MTG1: variants seen among roughly 807,000 people sequenced by gnomAD.
MTG1 encodes mitochondrial ribosome associated GTPase 1.
In MTG1, 30 loss-of-function variants were observed where a neutral mutation model predicts 39.5. The observed-to-expected ratio is 0.76, with a 90% CI of 0.57 to 1.03. The LOEUF is 1.03. Among genes scored for constraint, MTG1 ranks in the 50% least tolerant of loss-of-function variants. MTG1 has a pLI of 0.00. For missense variants in MTG1, 513 were observed against 447.4 expected, an observed-to-expected ratio of 1.15 and a Z score of -1.32; for synonymous variants, 217 against 179.0, an observed-to-expected ratio of 1.21 and a Z score of -1.69.
At chr10:133,403,970 G>A (rs182098986) in intron 9 of MTG1, among the ~76,000 whole-genome samples, 105 of 151,986 alleles carry the variant, frequency 6.9e-4, no homozygotes, top group African/African-American at 2.3e-3. Flanking sequence ...GTGTAGGGGT[G>A]TCGCATAGCA....
In MTG1 at chr10:133,421,982, TCA is replaced by T. The variant is rs1850249206; in HGVS notation, c.*1818_*1819del. On this transcript the variant is annotated 3_prime_UTR_variant, in exon 11 of 11. Coordinates refer to ENST00000317502, the MANE Select transcript of MTG1 (RefSeq NM_138384.4). The stretch of plus-strand genomic sequence containing the variant: ...GAGAACGTGGCAGACCCAAGACCTC[TCA>T]GTGCTGAGCCCATGGAGGATGCCCC... 6.7e-6 allele frequency: 1 copy of T among 150,148 alleles called. No homozygotes were observed. Among genetic ancestry groups the T allele is most frequent in the Non-Finnish European group, 1.5e-5 (1 of 68,234 alleles). 9.3% of individuals were successfully genotyped at this position (150,148 alleles called of 1,614,324 possible). A position where few individuals can be genotyped will look rare whatever the true frequency, so the allele number is the denominator to read the frequency against.
intron 9 of MTG1, among the ~76,000 whole-genome samples, chr10:133,412,036 G>T (rs1353114420): frequency 6.6e-6 from 1 of 152,060 alleles, no homozygotes; most frequent in Non-Finnish European, 1.5e-5. Flanking sequence ...TGCATTGAAG[G>T]ATTTGTTATC....
intron 9 of MTG1, among the ~76,000 whole-genome samples, chr10:133,404,183 A>G (rs1187660554): frequency 7.9e-6 from 1 of 126,178 alleles, no homozygotes; most frequent in Non-Finnish European, 1.6e-5. Context: ...GCTGAAGTGC[A>G]GTGGTACAGT....
chr10:133,405,432 T>C (rs975122948), intron 9 of MTG1, among the ~76,000 whole-genome samples: 2 of 152,210 alleles, frequency 1.3e-5, no homozygotes, highest in Non-Finnish European at 2.9e-5. Flanking sequence ...ATTTGAAATA[T>C]CCTGTAGATT....
intron 9 of MTG1, among the ~76,000 whole-genome samples, chr10:133,417,908 A>G (rs1344444422): frequency 6.6e-6 from 1 of 152,268 alleles, no homozygotes; most frequent in Non-Finnish European, 1.5e-5. Context: ...TTCCATGCTC[A>G]TTGGTAGGAA....
In MTG1 at chr10:133,394,995, A is replaced by G. The variant is rs568131358; in HGVS notation, c.112+663A>G. ...GGGGAAGAAAGCTGGAAGCTTTGTT[A>G]TCTTGGTTGTGTGTGGTATTCCTGG... On this transcript the variant is annotated intron_variant, in intron 1 of 10. Coordinates refer to ENST00000317502, the MANE Select transcript of MTG1 (RefSeq NM_138384.4). 2.0e-5 allele frequency among the ~76,000 whole-genome samples: 3 copies of G among 152,258 alleles called. No homozygotes were observed. The South Asian group carries it at 6.2e-4, about 32-fold the overall frequency.
At chr10:133,406,711 G>A (rs1223771376) in intron 9 of MTG1, among the ~76,000 whole-genome samples, 3 of 146,964 alleles carry the variant, frequency 2.0e-5, no homozygotes, top group Non-Finnish European at 4.5e-5. Flanking sequence ...TGTCACCCAG[G>A]CTGGAGTGCA....
At chr10:133,395,249 G>T (rs957761961) in intron 1 of MTG1, among the ~76,000 whole-genome samples, 1 of 152,098 alleles carries the variant, frequency 6.6e-6, no homozygotes, top group East Asian at 1.9e-4. Flanking sequence ...CAAAAAATTA[G>T]CCCGGCATGG....
chr10:133,419,374 G>C, intron 9 of MTG1, 106 bp from the exon 10 acceptor site: 1 of 830,372 alleles, frequency 1.2e-6, no homozygotes, highest in South Asian at 1.6e-5. Context: ...CCCACAGGAG[G>C]TGCCTGGCCG....
At position 133,419,638 on chromosome 10, in the gene MTG1, C is replaced by T. The variant is rs747666768; in HGVS notation, c.865+46C>T. 9.5e-6 allele frequency: 14 copies of T among 1,478,470 alleles called. No homozygotes were observed. The South Asian group carries it at 1.4e-4, about 15-fold the overall frequency. 91.6% of individuals were successfully genotyped at this position (1,478,470 alleles called of 1,614,324 possible). ...GGGCACCGGAGCCTCACCCCATCACCCTGGGGGACCCCGGCCATCCCTGGA... is the reference window on the plus strand; with the variant it reads ...GGGCACCGGAGCCTCACCCCATCACTCTGGGGGACCCCGGCCATCCCTGGA... On this transcript the variant is annotated intron_variant, in intron 10 of 10. Transcript: ENST00000317502.
chr10:133,412,012 T>C (rs1400597751), intron 9 of MTG1, among the ~76,000 whole-genome samples: 1 of 152,172 alleles, frequency 6.6e-6, no homozygotes, highest in Non-Finnish European at 1.5e-5. Context: ...CTTGTGCACA[T>C]ATGTCTGTGG....
intron 9 of MTG1, among the ~76,000 whole-genome samples, chr10:133,406,971 G>A (rs1849978665): frequency 6.6e-6 from 1 of 152,086 alleles, no homozygotes; most frequent in Admixed American, 6.6e-5. Context: ...CTTTTGATTT[G>A]GTTTTGTATA....
At position 133,402,952 on chromosome 10, in the gene MTG1, A is replaced by G; in HGVS notation, c.752+179A>G. 1 of 546,528 alleles carries G rather than the reference A, an allele frequency of 1.8e-6. No individual in the cohort carries two copies. The allele number at this position is 546,528 out of a possible 1,614,324, so 33.9% of individuals were successfully genotyped here. A position where few individuals can be genotyped will look rare whatever the true frequency, so the allele number is the denominator to read the frequency against. The stretch of plus-strand genomic sequence containing the variant: ...AGTATGGCTATACGTCTGTGAAAGC[A>G]ACACACAATCAAGAAAACGAGCGTT... On this transcript the variant is annotated intron_variant, in intron 9 of 10. Transcript: ENST00000317502. This position sits in a 1 kb window ranked among gnomAD's most constrained non-coding sequence, Gnocchi z 4.7.
intron 3 of MTG1, among the ~76,000 whole-genome samples, chr10:133,396,761 C>G (rs981806598): frequency 6.6e-6 from 1 of 152,044 alleles, no homozygotes; most frequent in Non-Finnish European, 1.5e-5. Flanking sequence ...TAGGAAAAAC[C>G]AGGCCATACA....
At chr10:133,419,647 C>A (rs1476123154) in intron 10 of MTG1, 55 bp downstream of exon 10, 2 of 1,406,420 alleles carry the variant, frequency 1.4e-6, no homozygotes, top group Non-Finnish European at 2.0e-6. Context: ...CCCTGGGGGA[C>A]CCCGGCCATC....
chr10:133,394,264 C>A lies in MTG1; in HGVS notation c.44C>A (p.Ala15Asp). 1.3e-6 allele frequency: 2 copies of A among 1,517,572 alleles called. No homozygotes were observed. The highest frequency in any genetic ancestry group is 1.8e-6 in the Non-Finnish European group (2 of 1,137,326). The allele number at this position is 1,517,572 out of a possible 1,614,324, so 94.0% of individuals were successfully genotyped here. A position where few individuals can be genotyped will look rare whatever the true frequency, so the allele number is the denominator to read the frequency against. The change falls in exon 1 of 11, where the codon GCC (alanine) becomes GAC (aspartate). Residue 15 changes from alanine (A) to aspartate (D), a missense_variant. Transcript: ENST00000317502. ...GCGCTGTGCAGCGCCGCCCAGGCCG[C>A]CTGGCGGGAGAACTTCCCCCTGTGC... The part of the protein sequence containing the change: ...PRALCSAAQA[A>D]WRENFPLCGR...
In MTG1 at chr10:133,399,535, G is replaced by A; in HGVS notation, c.427G>A (p.Glu143Lys). ...CCTCTCTCTGCCTGCGCAGAACCTG[G>A]AGTACTGTATCATGGTCATTGGGGT... ...SHRYHRKENLEYCIMVIGVPN... is the reference protein window; with the variant it reads ...SHRYHRKENLKYCIMVIGVPN... Residue 143 changes from glutamate to lysine, a missense_variant, in exon 6 of 11, where the codon GAG becomes AAG. Transcript: ENST00000317502. 6.2e-7 allele frequency: 1 copy of A among 1,614,152 alleles called. No individual in the cohort carries two copies. Among genetic ancestry groups the A allele is most frequent in the Non-Finnish European group, 8.5e-7 (1 of 1,180,010 alleles).
chr10:133,413,918 CT>C lies in MTG1; in HGVS notation c.753-5546del, dbSNP rs1285224313. Among the ~76,000 whole-genome samples, 327 of 136,052 alleles carry C rather than the reference CT, an allele frequency of 2.4e-3. 1 individual carries two copies. The highest frequency in any genetic ancestry group is 8.0e-3 in the East Asian group (38 of 4,760). 89.3% of individuals were successfully genotyped at this position (136,052 alleles called of 152,430 possible). On this transcript the variant is annotated intron_variant, in intron 9 of 10. Coordinates refer to ENST00000317502, the MANE Select transcript of MTG1 (RefSeq NM_138384.4). Reference sequence around the variant, plus strand: ...TTCTCATTTCTTTGTGTTTTCTTTTCTTTTTTTTTTTTTTTTATTGATCATT... The same window carrying C: ...TTCTCATTTCTTTGTGTTTTCTTTTCTTTTTTTTTTTTTTTATTGATCATT...
At chr10:133,397,861 G>GA (rs1394239308) in intron 3 of MTG1, among the ~76,000 whole-genome samples, 4 of 150,562 alleles carry the variant, frequency 2.7e-5, no homozygotes, top group African/African-American at 9.8e-5. Context: ...TCCTGCCTTT[G>GA]AAAATGTGAC....
Sources: gnomAD v4.1 joint callset for allele counts (sites outside exome capture counted in the v4.1 genomes callset) on GRCh38, gnomAD v4.1.1 for gene constraint, Gnocchi (gnomAD v3.1) non-coding constraint, MANE v1.5 for transcripts, NCBI Gene and HGNC (gene_info 2026-07-23, HGNC 2026-07-21) for gene names.